C13orf46: variants seen among roughly 807,000 people sequenced by gnomAD.
The protein encoded by C13orf46 is uncharacterized protein C13orf46.
intron 1 of C13orf46, among the ~76,000 whole-genome samples, chr13:113,972,511 C>T (rs1051833248): frequency 3.3e-5 from 5 of 152,156 alleles, no homozygotes; most frequent in African/African-American, 4.8e-5. Context: ...GGGAGGGGAG[C>T]GCCAGCTCGC....
chr13:113,972,318 C>T (rs2052715933), intron 1 of C13orf46, among the ~76,000 whole-genome samples: 1 of 152,236 alleles, frequency 6.6e-6, no homozygotes, highest in African/African-American at 2.4e-5. Context: ...TACTCACGCC[C>T]CCCAAATAGC....
downstream of C13orf46, among the ~76,000 whole-genome samples, chr13:113,951,069 T>C (rs1388559004): frequency 6.6e-6 from 1 of 152,230 alleles, no homozygotes; most frequent in Non-Finnish European, 1.5e-5. Flanking sequence ...GGGGGCTCTC[T>C]AGGCTGAGGC....
At chr13:113,931,971 T>G in the C13orf46 span, among the ~76,000 whole-genome samples, 1 of 152,008 alleles carries the variant, frequency 6.6e-6, no homozygotes, top group African/African-American at 2.4e-5. Context: ...CCTGCTCCTC[T>G]GATGACACTG....
At chr13:113,938,100 G>C in the C13orf46 span, among the ~76,000 whole-genome samples, 33 of 152,334 alleles carry the variant, frequency 2.2e-4, no homozygotes, top group African/African-American at 7.9e-4. Context: ...TCCCGAGAAT[G>C]ATTTTCCTTT....
chr13:113,930,064 C>T, the C13orf46 span, among the ~76,000 whole-genome samples: 222 of 152,358 alleles, frequency 1.5e-3, no homozygotes, highest in African/African-American at 5.2e-3. Context: ...ACGTGCATTT[C>T]TGCAGATTTG....
chr13:113,965,602 G>T (rs968559550), intron 5 of C13orf46, among the ~76,000 whole-genome samples: 3 of 151,836 alleles, frequency 2.0e-5, no homozygotes, highest in Non-Finnish European at 2.9e-5. Flanking sequence ...GATGATGACG[G>T]TGACTATACT....
chr13:113,956,337 A>AGAGGAGGAGTAGTATCTGGTGGAGAG lies in C13orf46; in HGVS notation c.*435_*436insCTCTCCACCAGATACTACTCCTCCTC, dbSNP rs1555316317. ...GGAGAGGAGGAGTAGTATCTGGTGG[A>AGAGGAGGAGTAGTATCTGGTGGAGAG]GAGGAGTAGTATCTGGTGGAGAGGA... On this transcript the variant is annotated 3_prime_UTR_variant, in exon 7 of 7. Coordinates refer to ENST00000636427, the MANE Select transcript of C13orf46 (RefSeq NM_001365455.2). 3.7e-5 allele frequency: 4 copies of AGAGGAGGAGTAGTATCTGGTGGAGAG among 108,704 alleles called. No homozygotes were observed. The highest frequency in any genetic ancestry group is 6.7e-5 in the African/African-American group (2 of 29,710). The allele number at this position is 108,704 out of a possible 1,614,324, so 6.7% of individuals were successfully genotyped here. A position where few individuals can be genotyped will look rare whatever the true frequency, so the allele number is the denominator to read the frequency against.
At chr13:113,926,585 C>G in the C13orf46 span, 2 of 152,250 alleles carry the variant, frequency 1.3e-5, no homozygotes, top group African/African-American at 2.4e-5. Context: ...GAAAGCAGAT[C>G]TGTGGTTTCC....
the C13orf46 span, among the ~76,000 whole-genome samples, chr13:113,936,801 G>A: frequency 2.0e-5 from 3 of 151,914 alleles, no homozygotes; most frequent in Admixed American, 6.6e-5. Context: ...GAGGCTGACC[G>A]GTCCAGGGGG....
rs1450599004 is a variant in C13orf46 at position 113,956,659 on chromosome 13, G to C, written c.*114C>G. ...TCAGTGCCTGGCAGAGAAGGCTCTT[G>C]GGCGGCAAGTAGGTGGCCGGATCGC... On this transcript the variant is annotated 3_prime_UTR_variant, in exon 7 of 7. Transcript: ENST00000636427. 1 of 152,366 alleles carries C rather than the reference G, an allele frequency of 6.6e-6. No individual in the cohort carries two copies. The highest frequency in any genetic ancestry group is 1.5e-5 in the Non-Finnish European group (1 of 68,176). 9.4% of individuals were successfully genotyped at this position (152,366 alleles called of 1,614,324 possible).
chr13:113,945,723 C>T, the C13orf46 span, among the ~76,000 whole-genome samples: 1 of 152,050 alleles, frequency 6.6e-6, no homozygotes, highest in Non-Finnish European at 1.5e-5. Context: ...AGTCAAGGCC[C>T]TTAATACTGT....
At chr13:113,949,457 G>A (rs1177631771), downstream of C13orf46, among the ~76,000 whole-genome samples, 4 of 152,314 alleles carry the variant, frequency 2.6e-5, no homozygotes, top group East Asian at 5.8e-4. Flanking sequence ...ACTCCAGGTC[G>A]TCAGTGTCAG....
At chr13:113,945,851 C>T in the C13orf46 span, among the ~76,000 whole-genome samples, 1 of 152,118 alleles carries the variant, frequency 6.6e-6, no homozygotes, top group East Asian at 1.9e-4. Flanking sequence ...CTGGCCATTG[C>T]CAGTCTTATC....
chr13:113,953,603 G>C (rs1010913728), downstream of C13orf46: 2 of 152,310 alleles, frequency 1.3e-5, no homozygotes, highest in African/African-American at 2.4e-5. Context: ...CCAAGCTCCT[G>C]TGTCTGCAGA....
chr13:113,965,795 T>G (rs1402273829), intron 5 of C13orf46, among the ~76,000 whole-genome samples: 1 of 144,962 alleles, frequency 6.9e-6, no homozygotes, highest in African/African-American at 2.8e-5. Context: ...GTAATTATAA[T>G]GGTGGTGATG....
At chr13:113,940,536 ACCC>A in the C13orf46 span, among the ~76,000 whole-genome samples, 3 of 121,444 alleles carry the variant, frequency 2.5e-5, no homozygotes, top group South Asian at 3.2e-4. Flanking sequence ...AGCGTTCGAG[ACCC>A]TGGTCTCTGG....
downstream of C13orf46, among the ~76,000 whole-genome samples, chr13:113,950,263 G>A (rs1251055250): frequency 5.6e-5 from 7 of 125,334 alleles, no homozygotes; most frequent in Non-Finnish European, 1.1e-4. Flanking sequence ...CCCCTGCCTC[G>A]GGCACCTCGG....
At chr13:113,926,526 G>A in the C13orf46 span, 2 of 152,266 alleles carry the variant, frequency 1.3e-5, no homozygotes, top group African/African-American at 4.8e-5. Context: ...CGCACACCGC[G>A]TGATTCCTTT....
At chr13:113,945,660 G>GAAAGAAAA in the C13orf46 span, among the ~76,000 whole-genome samples, 1 of 137,256 alleles carries the variant, frequency 7.3e-6, no homozygotes, top group Non-Finnish European at 1.6e-5. Flanking sequence ...AAGAAAGAAA[G>GAAAGAAAA]AAAGAAAGAA....
Sources: allele counts gnomAD v4.1 joint callset (sites outside exome capture counted in the v4.1 genomes callset), GRCh38; gene constraint gnomAD v4.1.1; transcripts MANE v1.5; gene names NCBI Gene and HGNC (gene_info 2026-07-23, HGNC 2026-07-21).